Variants in CTNNA2 observed in about 807,000 individuals in gnomAD.
CTNNA2 encodes the protein catenin alpha-2.
In CTNNA2, 42 loss-of-function variants were observed where a neutral mutation model predicts 101.0. The observed-to-expected ratio is 0.42, with a 90% CI of 0.32 to 0.54. The LOEUF is 0.54. Ranked by LOEUF, CTNNA2 falls within the 20% of genes least tolerant of loss-of-function variation. The probability of loss-of-function intolerance (pLI) is 0.14; values close to 1 mark genes in which losing one functional copy is unlikely to be tolerated. For synonymous variants in CTNNA2, 450 were observed against 456.4 expected (o/e 0.99, Z 0.18); for missense variants, 871 against 1,223.1 (o/e 0.71, Z 4.29).
At chr2:79,561,090 A>G (rs1438940896) in intron 1 of CTNNA2, among the ~76,000 whole-genome samples, 1 of 151,872 alleles carries the variant, frequency 6.6e-6, no homozygotes, top group African/African-American at 2.4e-5. Flanking sequence ...ATCATTCTCC[A>G]ATTTTCTCAT....
At chr2:79,536,935 C>T (rs144198286) in intron 1 of CTNNA2, among the ~76,000 whole-genome samples, 8 of 152,196 alleles carry the variant, frequency 5.3e-5, no homozygotes, top group East Asian at 3.9e-4. Flanking sequence ...CTCCTGAGCT[C>T]GGACAATCCG....
At chr2:80,275,737 T>C (rs1673851344) in intron 7 of CTNNA2, among the ~76,000 whole-genome samples, 1 of 152,104 alleles carries the variant, frequency 6.6e-6, no homozygotes, top group Non-Finnish European at 1.5e-5. Flanking sequence ...AGAGAATAAA[T>C]GTGTGTAAAC....
intron 4 of CTNNA2, among the ~76,000 whole-genome samples, chr2:79,448,271 TAA>T (rs1319780617): frequency 2.6e-5 from 4 of 152,158 alleles, no homozygotes; most frequent in African/African-American, 9.6e-5. Flanking sequence ...TGATTTCTTT[TAA>T]AGACATTTAT....
chr2:80,050,551 A>G (rs1900269), intron 7 of CTNNA2, among the ~76,000 whole-genome samples: 9,055 of 152,250 alleles, frequency 0.059, 856 homozygotes, highest in African/African-American at 0.21. Flanking sequence ...TGCTGGGTGT[A>G]TGAGAAGTCA....
intron 2 of CTNNA2, among the ~76,000 whole-genome samples, chr2:79,311,281 C>T (rs1330162903): frequency 6.6e-6 from 1 of 151,976 alleles, no homozygotes; most frequent in Admixed American, 6.6e-5. Flanking sequence ...TGATGGCGGG[C>T]GCCAGTAGTC....
intron 15 of CTNNA2, among the ~76,000 whole-genome samples, chr2:80,598,855 T>C (rs1697218726): frequency 1.3e-5 from 2 of 152,204 alleles, no homozygotes; most frequent in Admixed American, 1.3e-4. Flanking sequence ...AGATTCATGA[T>C]TAGGAATATG....
intron 1 of CTNNA2, among the ~76,000 whole-genome samples, chr2:79,533,598 C>T (rs972830769): frequency 1.3e-5 from 2 of 151,972 alleles, no homozygotes; most frequent in African/African-American, 4.8e-5. Flanking sequence ...TGATGAGAGA[C>T]ACAAGTGGCC....
intron 11 of CTNNA2, among the ~76,000 whole-genome samples, chr2:80,550,784 G>A (rs1165735877): frequency 6.7e-6 from 1 of 148,714 alleles, no homozygotes; most frequent in East Asian, 2.1e-4. Flanking sequence ...CTCCACTGAA[G>A]TCTTGAACCC....
In CTNNA2 at chr2:80,553,931, T is replaced by A. The variant is rs117277641; in HGVS notation, c.1541-1762T>A. Among the ~76,000 whole-genome samples the A allele has an allele frequency of 4.2e-3, 647 of 152,284 alleles. 7 individuals carry two copies. In the East Asian group the frequency reaches 0.064, roughly 15 times the overall value. Reference sequence around the variant, plus strand: ...TCATGTCTCAAGAAAATGTCATGATTTGGGAAGTACTACTTTTTGTGAGTT... The same window carrying A: ...TCATGTCTCAAGAAAATGTCATGATATGGGAAGTACTACTTTTTGTGAGTT... On this transcript the variant is annotated intron_variant, in intron 11 of 18. Coordinates refer to ENST00000402739, the MANE Select transcript of CTNNA2 (RefSeq NM_001282597.3).
chr2:79,831,154 T>A (rs1043540453), intron 3 of CTNNA2, among the ~76,000 whole-genome samples: 4 of 152,186 alleles, frequency 2.6e-5, no homozygotes, highest in Non-Finnish European at 5.9e-5. Flanking sequence ...TAGAAAAAAA[T>A]TCTGTTTTCT....
At chr2:79,639,527 A>G (rs1680303297) in intron 1 of CTNNA2, among the ~76,000 whole-genome samples, 1 of 152,188 alleles carries the variant, frequency 6.6e-6, no homozygotes, top group South Asian at 2.1e-4. Context: ...CTGTAATTAA[A>G]TTTGAGTTTC....
intron 2 of CTNNA2, among the ~76,000 whole-genome samples, chr2:79,254,205 T>C (rs1449838619): frequency 6.6e-6 from 1 of 152,222 alleles, no homozygotes; most frequent in Non-Finnish European, 1.5e-5. Flanking sequence ...ACTAATTCTA[T>C]TACTTATATT....
At chr2:79,392,399 C>T (rs1678183678) in intron 4 of CTNNA2, among the ~76,000 whole-genome samples, 1 of 152,188 alleles carries the variant, frequency 6.6e-6, no homozygotes, top group African/African-American at 2.4e-5. Flanking sequence ...AAGTAGAAGA[C>T]AGGTAAAACC....
chr2:80,026,297 G>C (rs982796091), intron 7 of CTNNA2, among the ~76,000 whole-genome samples: 2 of 152,190 alleles, frequency 1.3e-5, no homozygotes, highest in African/African-American at 4.8e-5. Flanking sequence ...GATGGATTCA[G>C]TTGCAAGTGA....
intron 2 of CTNNA2, among the ~76,000 whole-genome samples, chr2:79,738,724 C>G (rs1432656315): frequency 1.3e-5 from 2 of 152,268 alleles, no homozygotes; most frequent in Non-Finnish European, 2.9e-5. Flanking sequence ...ATTTTAGCAA[C>G]CTGTTAACTA....
intron 3 of CTNNA2, among the ~76,000 whole-genome samples, chr2:79,754,120 G>A (rs1185725212): frequency 2.0e-5 from 3 of 151,966 alleles, no homozygotes; most frequent in Non-Finnish European, 2.9e-5. Context: ...GCCCACCTAG[G>A]CCTCCCAAAG....
intron 5 of CTNNA2, among the ~76,000 whole-genome samples, chr2:79,871,789 A>G (rs72918615): frequency 0.064 from 9,673 of 152,294 alleles, 725 homozygotes; most frequent in East Asian, 0.29. Flanking sequence ...TGAGATATCC[A>G]CATTGAAACA....
At chr2:79,344,584 C>G (rs1373249793) in intron 3 of CTNNA2, among the ~76,000 whole-genome samples, 1 of 151,906 alleles carries the variant, frequency 6.6e-6, no homozygotes, top group African/African-American at 2.4e-5. Context: ...ATGCTTCTAC[C>G]AAGAATACTT....
At chr2:80,458,394 A>G (rs906801521) in intron 9 of CTNNA2, among the ~76,000 whole-genome samples, 1 of 152,186 alleles carries the variant, frequency 6.6e-6, no homozygotes, top group African/African-American at 2.4e-5. Context: ...TGTGTCAAAT[A>G]ATATGGTTAA....
Sources: allele counts gnomAD v4.1 joint callset (sites outside exome capture counted in the v4.1 genomes callset), GRCh38; gene constraint gnomAD v4.1.1; transcripts MANE v1.5; gene names NCBI Gene and HGNC (gene_info 2026-07-23, HGNC 2026-07-21).